Variants in E2F2 observed in about 807,000 individuals in gnomAD.
E2F2 encodes transcription factor E2F2.
E2F2 carries 22 observed loss-of-function variants against 42.2 expected under a neutral mutation model. That is an observed-to-expected ratio of 0.52 (90% CI 0.37 to 0.74). The LOEUF (loss-of-function observed/expected upper bound fraction) is 0.74. E2F2 is among the 30% of genes least tolerant of loss of function. The pLI, the probability that E2F2 is intolerant of heterozygous loss-of-function variation, is 0.00. For synonymous variants in E2F2, 248 were observed against 251.6 expected (o/e 0.99, Z 0.13); for missense variants, 481 against 557.8 (o/e 0.86, Z 1.39).
chr1:23,511,469 C>T (rs1476110485), intron 6 of E2F2, among the ~76,000 whole-genome samples: 3 of 151,572 alleles, frequency 2.0e-5, no homozygotes, highest in Admixed American at 1.3e-4. Flanking sequence ...CTCCCAGGCT[C>T]GAGCAATCCT....
intron 1 of E2F2, among the ~76,000 whole-genome samples, chr1:23,526,654 A>G (rs547331061): frequency 6.6e-6 from 1 of 152,344 alleles, no homozygotes; most frequent in African/African-American, 2.4e-5. Context: ...AAGCCAAAAA[A>G]TGGAGACTTA....
At chr1:23,524,585 C>A (rs1277251106) in intron 1 of E2F2, 97 bp from the exon 2 acceptor site, 7 of 1,051,984 alleles carry the variant, frequency 6.7e-6, no homozygotes, top group South Asian at 3.1e-5. Flanking sequence ...CACTTAGCAG[C>A]CACCTCTGTG....
rs1225366641 is a variant in E2F2, at chr1:23,506,831, T to C, written c.*3049A>G. On this transcript the variant is annotated 3_prime_UTR_variant, in exon 7 of 7. Transcript: ENST00000361729. ...ACCCTTTCCCTAAAACTCTGAACAC[T>C]GCAGAATGGAGGTTGAGAACACTTG... The C allele has an allele frequency of 6.6e-6, 1 of 152,318 alleles. No individual in the cohort carries two copies. The highest frequency in any genetic ancestry group is 1.5e-5 in the Non-Finnish European group (1 of 68,132). 9.4% of individuals were successfully genotyped at this position (152,318 alleles called of 1,614,324 possible).
In E2F2 at chr1:23,529,896, C is replaced by T. The variant is rs531106619; in HGVS notation, c.252+646G>A. On this transcript the variant is annotated intron_variant, in intron 1 of 6. Coordinates refer to ENST00000361729, the MANE Select transcript of E2F2 (RefSeq NM_004091.4). ...CAGCCTGGTGCCACTACACTTTGGG[C>T]CCTCTCTGGCAACGAGCCTGGGAGC... Among the ~76,000 whole-genome samples, 9 of 152,326 alleles carry T rather than the reference C, an allele frequency of 5.9e-5. No individual in the cohort carries two copies. The East Asian group carries it at 1.5e-3, about 26-fold the overall frequency.
Position 23,510,166 on chromosome 1 carries a change from A to T in E2F2, c.1046-18T>A. 6.4e-7 allele frequency: 1 copy of T among 1,574,400 alleles called. No individual in the cohort carries two copies. The highest frequency in any genetic ancestry group is 8.6e-7 in the Non-Finnish European group (1 of 1,160,000). On this transcript the variant is annotated intron_variant, in intron 6 of 6. Coordinates refer to ENST00000361729, the MANE Select transcript of E2F2 (RefSeq NM_004091.4). ...TGCTGGCACTGGAGACAAACAGACA[A>T]AGGTTACGCCTGGCCCTAGCATCCA...
chr1:23,516,799 G>GGC (rs941364305), intron 5 of E2F2, among the ~76,000 whole-genome samples: 1 of 21,180 alleles, frequency 4.7e-5, no homozygotes, highest in Non-Finnish European at 1.8e-4. Flanking sequence ...GTTTTGGGGC[G>GGC]GGGGGGGGGG....
intron 2 of E2F2, among the ~76,000 whole-genome samples, chr1:23,524,173 A>G (rs932473858): frequency 6.6e-6 from 1 of 152,156 alleles, no homozygotes; most frequent in East Asian, 1.9e-4. Context: ...CTCTGAGACT[A>G]TGGGCAAGTC....
intron 6 of E2F2, among the ~76,000 whole-genome samples, chr1:23,513,573 T>G (rs1284251005): frequency 1.0e-5 from 1 of 96,144 alleles, no homozygotes; most frequent in South Asian, 3.1e-4. Flanking sequence ...TGTGTGTGTG[T>G]GTGTGTGTGT....
chr1:23,525,422 C>T (rs1431696601), intron 1 of E2F2, among the ~76,000 whole-genome samples: 1 of 152,220 alleles, frequency 6.6e-6, no homozygotes, highest in African/African-American at 2.4e-5. Flanking sequence ...GAGACCCATG[C>T]TTGAATCTCC....
At chr1:23,505,574 G>A (rs1642782279), downstream of E2F2, among the ~76,000 whole-genome samples, 1 of 152,232 alleles carries the variant, frequency 6.6e-6, no homozygotes, top group East Asian at 1.9e-4. Context: ...ATGCAATGGC[G>A]CCATCTCGGC....
intron 1 of E2F2, among the ~76,000 whole-genome samples, chr1:23,529,314 C>A (rs1431159044): frequency 6.6e-6 from 1 of 152,102 alleles, no homozygotes; most frequent in East Asian, 1.9e-4. Flanking sequence ...CACTGCCCTC[C>A]TAGTTAGAAA....
rs772518646 is a variant in E2F2, at chr1:23,521,914, C to T, written c.501G>A (p.Arg167=). The T allele has an allele frequency of 4.3e-6, 7 of 1,614,118 alleles. No homozygotes were observed. The highest frequency in any genetic ancestry group is 5.1e-6 in the Non-Finnish European group (6 of 1,180,050). Residue 167 remains arginine (R), a synonymous_variant, in exon 3 of 7, where the codon CGG becomes CGA. Transcript: ENST00000361729. Reference sequence around the variant, plus strand: ...GCACGTTGGTGATGTCATAGATGCGCCGCTTCTGCACGTCCAGCACCTCAG... The same window carrying T: ...GCACGTTGGTGATGTCATAGATGCGTCGCTTCTGCACGTCCAGCACCTCAG... ...WAAEVLDVQK[R]RIYDITNVLE...
chr1:23,525,134 G>A (rs1165465765), intron 1 of E2F2, among the ~76,000 whole-genome samples: 1 of 152,222 alleles, frequency 6.6e-6, no homozygotes, highest in African/African-American at 2.4e-5. Flanking sequence ...TTTCTTTGCC[G>A]AGAGGGGCAG....
intron 1 of E2F2, among the ~76,000 whole-genome samples, chr1:23,526,819 A>T (rs1437720713): frequency 1.3e-5 from 2 of 151,554 alleles, no homozygotes; most frequent in African/African-American, 2.4e-5. Context: ...GGCCTGGGCT[A>T]CGCCCACCTG....
chr1:23,521,824 C>G lies in E2F2; in HGVS notation c.578+13G>C, dbSNP rs764260856. The G allele has an allele frequency of 6.2e-7, 1 of 1,613,232 alleles. No individual in the cohort carries two copies. Among genetic ancestry groups the G allele is most frequent in the Admixed American group, 1.7e-5 (1 of 59,990 alleles). On this transcript the variant is annotated intron_variant, in intron 3 of 6. Transcript: ENST00000361729. ...ACCCATTGGAGGGTACCACTGGCCGCCCAGGCACTCACACCCACTGGATGT... is the reference window on the plus strand; with the variant it reads ...ACCCATTGGAGGGTACCACTGGCCGGCCAGGCACTCACACCCACTGGATGT...
chr1:23,522,974 G>A (rs1643181377), intron 2 of E2F2, among the ~76,000 whole-genome samples: 1 of 152,120 alleles, frequency 6.6e-6, no homozygotes, highest in African/African-American at 2.4e-5. Context: ...CCAATCAAAT[G>A]TAGAGGAAAC....
intron 4 of E2F2, 67 bp from the exon 5 acceptor site, chr1:23,519,197 C>T: frequency 6.9e-6 from 7 of 1,016,474 alleles, no homozygotes; most frequent in Admixed American, 1.8e-5. Context: ...TGCCAGGGAG[C>T]ACCTTCACCC....
At position 23,509,755 on chromosome 1, in the gene E2F2, CGA is replaced by C. The variant is rs1642870369; in HGVS notation, c.*123_*124del. ...CTTCTGCCGGCTGGGGCAGGAAAGG[CGA>C]GGAGACCCCATGCCCTGAGGGCAGC... On this transcript the variant is annotated 3_prime_UTR_variant, in exon 7 of 7. Transcript: ENST00000361729. 6 of 1,408,848 alleles carry C rather than the reference CGA, an allele frequency of 4.3e-6. No individual in the cohort carries two copies. Among genetic ancestry groups the C allele is most frequent in the Non-Finnish European group, 5.6e-6 (6 of 1,077,084 alleles). The allele number at this position is 1,408,848 out of a possible 1,614,324, so 87.3% of individuals were successfully genotyped here. A position where few individuals can be genotyped will look rare whatever the true frequency, so the allele number is the denominator to read the frequency against.
At chr1:23,519,152 A>T (rs1474842832) in intron 4 of E2F2, 22 bp from the exon 5 acceptor site, 1 of 1,595,234 alleles carries the variant, frequency 6.3e-7, no homozygotes, top group Admixed American at 1.7e-5. Context: ...GAGTCAAGAA[A>T]AGTGACTGTC....
Sources: allele counts gnomAD v4.1 joint callset (sites outside exome capture counted in the v4.1 genomes callset), GRCh38; gene constraint gnomAD v4.1.1; transcripts MANE v1.5; gene names NCBI Gene and HGNC (gene_info 2026-07-23, HGNC 2026-07-21).